Variants in ZNF385D observed in about 807,000 individuals in gnomAD.
The protein encoded by ZNF385D is zinc finger protein 659.
A neutral mutation model predicts 35.8 loss-of-function variants in ZNF385D; 15 were observed. The observed-to-expected ratio is 0.42, with a 90% CI of 0.28 to 0.64. ZNF385D has a LOEUF of 0.64. Ranked by LOEUF, ZNF385D falls within the 30% of genes least tolerant of loss-of-function variation. The pLI is 0.23. For missense variants in ZNF385D, 474 were observed against 494.6 expected (o/e 0.96, Z 0.39); for synonymous variants, 212 against 186.8 (o/e 1.13, Z -1.10).
intron 2 of ZNF385D, among the ~76,000 whole-genome samples, chr3:22,244,070 T>A (rs729286): frequency 6.6e-6 from 1 of 150,416 alleles, no homozygotes; most frequent in East Asian, 2.0e-4. Flanking sequence ...CTGAAAAACC[T>A]CTCAAGACTT....
At chr3:22,013,210 G>A (rs1476504837) in intron 3 of ZNF385D, among the ~76,000 whole-genome samples, 1 of 152,034 alleles carries the variant, frequency 6.6e-6, no homozygotes, top group Non-Finnish European at 1.5e-5. Context: ...GATACATAAA[G>A]TGCAAACCTC....
intron 3 of ZNF385D, among the ~76,000 whole-genome samples, chr3:21,993,383 A>G (rs1272403219): frequency 6.6e-6 from 1 of 152,154 alleles, no homozygotes; most frequent in African/African-American, 2.4e-5. Flanking sequence ...TCACTGTGGT[A>G]AAATTATTGA....
chr3:22,042,819 C>T (rs751853435), intron 3 of ZNF385D, among the ~76,000 whole-genome samples: 2 of 152,174 alleles, frequency 1.3e-5, no homozygotes, highest in East Asian at 1.9e-4. Flanking sequence ...ACTCTCATGC[C>T]TGATCTCGAC....
intron 2 of ZNF385D, among the ~76,000 whole-genome samples, chr3:21,569,080 G>A (rs555327844): frequency 2.0e-5 from 3 of 152,154 alleles, no homozygotes; most frequent in Admixed American, 6.5e-5. Context: ...TATTAGGTCC[G>A]CTTGGTGCAG....
chr3:22,021,834 C>A (rs1697240220), intron 3 of ZNF385D, among the ~76,000 whole-genome samples: 1 of 152,076 alleles, frequency 6.6e-6, no homozygotes, highest in African/African-American at 2.4e-5. Context: ...CTTTGTCCCA[C>A]TCCCTGGGAT....
At chr3:21,526,024 G>A (rs555025907) in intron 3 of ZNF385D, among the ~76,000 whole-genome samples, 3 of 151,878 alleles carry the variant, frequency 2.0e-5, no homozygotes, top group Non-Finnish European at 2.9e-5. Flanking sequence ...TCCTTATTCT[G>A]TTACTGGTAA....
intron 3 of ZNF385D, among the ~76,000 whole-genome samples, chr3:21,863,602 G>T (rs1030119652): frequency 2.0e-5 from 3 of 152,036 alleles, no homozygotes; most frequent in African/African-American, 7.2e-5. Context: ...TAAGGGTTGG[G>T]GAAATTTAAT....
chr3:21,774,166 G>A (rs1002958338), intron 3 of ZNF385D, among the ~76,000 whole-genome samples: 2 of 151,888 alleles, frequency 1.3e-5, no homozygotes, highest in Non-Finnish European at 2.9e-5. Flanking sequence ...AACTAATGCA[G>A]GAACAGAAAT....
chr3:21,827,981 G>A (rs973230887), intron 3 of ZNF385D, among the ~76,000 whole-genome samples: 37 of 152,168 alleles, frequency 2.4e-4, no homozygotes, highest in African/African-American at 8.7e-4. Flanking sequence ...TGAGTCAGTT[G>A]TGTTGGATAT....
At chr3:22,047,873 A>C (rs1393616529) in intron 3 of ZNF385D, among the ~76,000 whole-genome samples, 1 of 152,142 alleles carries the variant, frequency 6.6e-6, no homozygotes, top group Non-Finnish European at 1.5e-5. Context: ...ATTCAGATAC[A>C]AGGCTTCCCT....
chr3:22,339,903 C>T (rs1325261300), intron 2 of ZNF385D, among the ~76,000 whole-genome samples: 1 of 152,208 alleles, frequency 6.6e-6, no homozygotes, highest in Non-Finnish European at 1.5e-5. Context: ...TACTCAGTTT[C>T]TCCACCTAAC....
intron 3 of ZNF385D, among the ~76,000 whole-genome samples, chr3:21,868,021 G>A (rs940499644): frequency 4.6e-5 from 7 of 152,096 alleles, no homozygotes; most frequent in Admixed American, 3.9e-4. Flanking sequence ...GCCTGCAATA[G>A]TAACAGTAAC....
At chr3:21,611,859 A>C (rs2064689649) in intron 2 of ZNF385D, among the ~76,000 whole-genome samples, 3 of 151,842 alleles carry the variant, frequency 2.0e-5, no homozygotes, top group African/African-American at 2.4e-5. Context: ...CCTTGACTGG[A>C]AGGATAGACA....
At chr3:22,167,761 T>C (rs1320615633) in intron 3 of ZNF385D, among the ~76,000 whole-genome samples, 1 of 152,234 alleles carries the variant, frequency 6.6e-6, no homozygotes, top group Non-Finnish European at 1.5e-5. Context: ...TAGAATTTAA[T>C]AGTTCTCAAT....
At chr3:21,480,647 C>A (rs563635015) in intron 4 of ZNF385D, among the ~76,000 whole-genome samples, 1 of 152,080 alleles carries the variant, frequency 6.6e-6, no homozygotes, top group African/African-American at 2.4e-5. Flanking sequence ...CACTAAAATG[C>A]GTAACACATA....
At chr3:22,014,804 T>C (rs1041080832) in intron 3 of ZNF385D, among the ~76,000 whole-genome samples, 2 of 151,880 alleles carry the variant, frequency 1.3e-5, no homozygotes, top group Non-Finnish European at 2.9e-5. Context: ...AAATGCACAA[T>C]ACAATAAATA....
intron 2 of ZNF385D, among the ~76,000 whole-genome samples, chr3:22,225,008 C>A (rs1278330222): frequency 6.6e-6 from 1 of 151,888 alleles, no homozygotes; most frequent in African/African-American, 2.4e-5. Flanking sequence ...AGTGCTTATT[C>A]TCAAGAAAGA....
chr3:22,036,824 T>C (rs1698354696), intron 3 of ZNF385D, among the ~76,000 whole-genome samples: 1 of 150,826 alleles, frequency 6.6e-6, no homozygotes, highest in African/African-American at 2.4e-5. Context: ...AACTCGTCAT[T>C]TAACATTAGG....
chr3:21,553,551 G>T (rs748506524), intron 3 of ZNF385D, among the ~76,000 whole-genome samples: 8 of 152,288 alleles, frequency 5.3e-5, no homozygotes, highest in Non-Finnish European at 1.0e-4. Context: ...GTTTCAGGTT[G>T]AGAAAGCTGT....
Sources: allele counts gnomAD v4.1 joint callset (sites outside exome capture counted in the v4.1 genomes callset), GRCh38; gene constraint gnomAD v4.1.1; transcripts MANE v1.5; gene names NCBI Gene and HGNC (gene_info 2026-07-23, HGNC 2026-07-21).